DPEP3: variants seen among roughly 807,000 people sequenced by gnomAD.
DPEP3 encodes dipeptidase 3, also known as membrane-bound dipeptidase 3.
In DPEP3, 42 loss-of-function variants were observed where a neutral mutation model predicts 47.5. That is an observed-to-expected ratio of 0.88 (90% CI 0.69 to 1.14). The LOEUF (loss-of-function observed/expected upper bound fraction) is 1.14. Ranked by LOEUF, DPEP3 falls within the 50% of genes most tolerant of loss-of-function variation. The pLI, the probability that DPEP3 is intolerant of heterozygous loss-of-function variation, is 0.00. For synonymous variants in DPEP3, 276 were observed against 270.2 expected (o/e 1.02, Z -0.21); for missense variants, 560 against 635.0 (o/e 0.88, Z 1.27).
intron 1 of DPEP3, 145 bp from the exon 2 acceptor site, chr16:67,979,910 G>A (rs1331741783): frequency 7.1e-7 from 1 of 1,417,972 alleles, no homozygotes; most frequent in Non-Finnish European, 9.5e-7. Context: ...GGAGGGAGGG[G>A]GTTAGATTCC....
intron 7 of DPEP3, 73 bp downstream of exon 7, chr16:67,977,197 T>G (rs2031214252): frequency 7.2e-7 from 1 of 1,395,154 alleles, no homozygotes; most frequent in East Asian, 2.4e-5. Context: ...TGCACTAGAC[T>G]GCTAGAGTCG....
In DPEP3 at chr16:67,976,200, T is replaced by A; in HGVS notation, c.1123A>T (p.Thr375Ser). 6 of 1,614,202 alleles carry A rather than the reference T, an allele frequency of 3.7e-6. No homozygotes were observed. Among genetic ancestry groups the A allele is most frequent in the Non-Finnish European group, 5.1e-6 (6 of 1,180,024 alleles). Residue 375 changes from threonine (T) to serine (S), a missense_variant, in exon 9 of 10, where the codon ACA (threonine) becomes TCA (serine). Coordinates refer to ENST00000268793, the MANE Select transcript of DPEP3 (RefSeq NM_001370198.1). Reference protein sequence around the residue: ...RFPQGLEDVSTYPVLIEELLS... With the variant: ...RFPQGLEDVSSYPVLIEELLS... ...AACTCCTCTATCAGGACTGGGTATG[T>A]GGACACATCCTCCAGCCCCTGAGGG... is the stretch of plus-strand genomic sequence containing the variant.
chr16:67,978,563 G>A lies in DPEP3; in HGVS notation c.478C>T (p.Gln160Ter). 6.2e-7 allele frequency: 1 copy of A among 1,614,044 alleles called. No homozygotes were observed. Among genetic ancestry groups the A allele is most frequent in the South Asian group, 1.1e-5 (1 of 91,086 alleles). Residue 160 changes from glutamine to a stop codon, truncating the protein, a stop_gained, in exon 3 of 10, where the codon CAG (glutamine) becomes TAG (stop). Coordinates refer to ENST00000268793, the MANE Select transcript of DPEP3 (RefSeq NM_001370198.1). LOFTEE classifies it high-confidence loss of function. This position sits in a 1 kb window ranked among gnomAD's most constrained non-coding sequence, Gnocchi z 4.4. ...CACATGCGGTGAATGAGGTCAATCT[G>A]CTCCAGGGCGAGGCGCACGGCAGTC... ...DQTAVRLALE[Q>*]IDLIHRMCAS...
Position 67,980,446 on chromosome 16 carries a change from T to A in DPEP3, c.-66A>T. On this transcript the variant is annotated 5_prime_UTR_variant, in exon 1 of 10. Coordinates refer to ENST00000268793, the MANE Select transcript of DPEP3 (RefSeq NM_001370198.1). ...CGATGGGCAGAGGCCGACAATGGGG[T>A]CCGGATCATGACGACCCAGCCTCCC... 3.4e-6 allele frequency: 5 copies of A among 1,457,802 alleles called. No homozygotes were observed. In the South Asian group the frequency reaches 7.2e-5, roughly 21 times the overall value. The allele number at this position is 1,457,802 out of a possible 1,614,324, so 90.3% of individuals were successfully genotyped here.
chr16:67,978,085 A>T lies in DPEP3; in HGVS notation c.687-78T>A. 3.1e-6 allele frequency: 5 copies of T among 1,588,900 alleles called. No homozygotes were observed. The highest frequency in any genetic ancestry group is 4.3e-6 in the Non-Finnish European group (5 of 1,158,700). Reference sequence around the variant, plus strand: ...CAGCCTGGGGGCCCTGGCTCTATCCATCCATCCTGCTTCCAGAACAGGTGC... The same window carrying T: ...CAGCCTGGGGGCCCTGGCTCTATCCTTCCATCCTGCTTCCAGAACAGGTGC... On this transcript the variant is annotated intron_variant, in intron 4 of 9. Coordinates refer to ENST00000268793, the MANE Select transcript of DPEP3 (RefSeq NM_001370198.1). This position sits in a 1 kb window ranked among gnomAD's most constrained non-coding sequence, Gnocchi z 4.4.
At chr16:67,979,864 C>T in intron 1 of DPEP3, 99 bp from the exon 2 acceptor site, 1 of 1,526,952 alleles carries the variant, frequency 6.5e-7, no homozygotes, top group South Asian at 1.3e-5. Flanking sequence ...GGCACCTCCT[C>T]ACACAGACCA....
chr16:67,977,553 G>T, intron 6 of DPEP3, 100 bp downstream of exon 6: 1 of 1,414,318 alleles, frequency 7.1e-7, no homozygotes, highest in Non-Finnish European at 9.6e-7. Flanking sequence ...ACCAGCCTTT[G>T]GTCCAAGGGT....
chr16:67,979,610 C>T (rs2031276776), intron 2 of DPEP3, 29 bp downstream of exon 2: 13 of 1,611,554 alleles, frequency 8.1e-6, no homozygotes, highest in Non-Finnish European at 1.1e-5. Flanking sequence ...AGCAGCCATG[C>T]TGTGGCACCC....
Position 67,980,321 on chromosome 16 carries a change from C to G in DPEP3, c.60G>C (p.Leu20=). 1.3e-6 allele frequency: 2 copies of G among 1,557,136 alleles called. No individual in the cohort carries two copies. Among genetic ancestry groups the G allele is most frequent in the African/African-American group, 2.7e-5 (2 of 73,488 alleles). ...RALSRRYLRR[L]LLLLLLLLLR... ...GCAGCAGCAGCAGTAGCAGGAGCAG[C>G]AGACGCCGCAGATACCGCCGGCTGA... Residue 20 remains leucine, a synonymous_variant, in exon 1 of 10, where the codon CTG becomes CTC. Transcript: ENST00000268793.
At chr16:67,979,002 C>T (rs2031263228) in intron 2 of DPEP3, among the ~76,000 whole-genome samples, 1 of 152,102 alleles carries the variant, frequency 6.6e-6, no homozygotes, top group Non-Finnish European at 1.5e-5. Context: ...GGACTCACGA[C>T]ACATCATAAA....
At position 67,978,188 on chromosome 16, in the gene DPEP3, G is replaced by A. The variant is rs1361152897; in HGVS notation, c.686+79C>T. Reference sequence around the variant, plus strand: ...CTCTGCGGACCCCTTCATCCTCAACGGCTTGGTCACACCCATGCCAGGAAT... The same window carrying A: ...CTCTGCGGACCCCTTCATCCTCAACAGCTTGGTCACACCCATGCCAGGAAT... On this transcript the variant is annotated intron_variant, in intron 4 of 9. Coordinates refer to ENST00000268793, the MANE Select transcript of DPEP3 (RefSeq NM_001370198.1). The surrounding 1 kb of genome is among the most constrained non-coding windows in gnomAD (Gnocchi z 4.4). 4.4e-6 allele frequency: 7 copies of A among 1,606,226 alleles called. No individual in the cohort carries two copies. The highest frequency in any genetic ancestry group is 2.2e-5 in the South Asian group (2 of 90,622).
At position 67,978,309 on chromosome 16, in the gene DPEP3, C is replaced by G; in HGVS notation, c.644G>C (p.Gly215Ala). Residue 215 changes from glycine (G) to alanine (A), a missense_variant, in exon 4 of 10, where the codon GGG becomes GCG. Gly to Ala is a moderately conservative substitution (Grantham distance 60). Coordinates refer to ENST00000268793, the MANE Select transcript of DPEP3 (RefSeq NM_001370198.1). This position sits in a 1 kb window ranked among gnomAD's most constrained non-coding sequence, Gnocchi z 4.4. ...GAAGGTAAGTGTCAGGTAGCGCACC[C>G]CCAGCACATAGAAACTGCGCAGCAC... The part of the protein sequence containing the change: ...LSVLRSFYVL[G>A]VRYLTLTFTC... 6.2e-7 allele frequency: 1 copy of G among 1,614,194 alleles called. No individual in the cohort carries two copies. Among genetic ancestry groups the G allele is most frequent in the Non-Finnish European group, 8.5e-7 (1 of 1,180,038 alleles).
chr16:67,979,689 G>A lies in DPEP3; in HGVS notation c.364C>T (p.His122Tyr), dbSNP rs200788983. The A allele has an allele frequency of 4.3e-5, 69 of 1,614,014 alleles. No individual in the cohort carries two copies. The highest frequency in any genetic ancestry group is 5.8e-5 in the Non-Finnish European group (68 of 1,180,026). Residue 122 changes from histidine (H) to tyrosine (Y), a missense_variant, in exon 2 of 10, where the codon CAT becomes TAT. Coordinates refer to ENST00000268793, the MANE Select transcript of DPEP3 (RefSeq NM_001370198.1). ...LQDVNLRNFS[H>Y]GQTSLDRLRD... Reference sequence around the variant, plus strand: ...AGCCTGTCCAGGCTGGTCTGACCATGGCTGAAATTTCGCAGGTTAACATCC... The same window carrying A: ...AGCCTGTCCAGGCTGGTCTGACCATAGCTGAAATTTCGCAGGTTAACATCC...
In DPEP3 at chr16:67,980,348, C is replaced by A. The variant is rs535224443; in HGVS notation, c.33G>T (p.Ala11=). Residue 11 remains alanine, a synonymous_variant, in exon 1 of 10, where the codon GCG becomes GCT. Coordinates refer to ENST00000268793, the MANE Select transcript of DPEP3 (RefSeq NM_001370198.1). The part of the protein sequence containing the change: MQPTGREGSR[A]LSRRYLRRLL... ...GACGCCGCAGATACCGCCGGCTGAG[C>A]GCGCGGGAACCCTCGCGGCCCGTGG... The A allele has an allele frequency of 1.3e-6, 2 of 1,547,668 alleles. No individual in the cohort carries two copies. Among genetic ancestry groups the A allele is most frequent in the African/African-American group, 1.4e-5 (1 of 72,962 alleles).
rs1429059964 is a variant in DPEP3, at chr16:67,977,322, CA to C, written c.965del (p.Leu322ArgfsTer58). 7 of 1,613,836 alleles carry C rather than the reference CA, an allele frequency of 4.3e-6. No individual in the cohort carries two copies. Among genetic ancestry groups the C allele is most frequent in the African/African-American group, 2.7e-5 (2 of 74,916 alleles). On this transcript the variant is annotated frameshift_variant, in exon 7 of 10. Transcript: ENST00000268793. LOFTEE classifies it high-confidence loss of function. ...GGTTGCACTGCAGCACCCCCATGGA[CA>C]GTGTCACCATCACGATGCCACCGTT... ...KKNGGIVMVT[L>X]SMGVLQCNLL...
intron 5 of DPEP3, 29 bp downstream of exon 5, chr16:67,977,909 G>C: frequency 5.0e-6 from 8 of 1,613,968 alleles, no homozygotes; most frequent in Non-Finnish European, 6.8e-6. Context: ...GGCAGCAGGT[G>C]GGTTGGGGTA....
In DPEP3 at chr16:67,980,311, G is replaced by C. The variant is rs1197652952; in HGVS notation, c.70C>G (p.Leu24Val). 1.3e-6 allele frequency: 2 copies of C among 1,561,996 alleles called. No homozygotes were observed. Among genetic ancestry groups the C allele is most frequent in the African/African-American group, 2.7e-5 (2 of 73,570 alleles). ...GGCTGCCGCAGCAGCAGCAGCAGTAGCAGGAGCAGCAGACGCCGCAGATAC... is the reference window on the plus strand; with the variant it reads ...GGCTGCCGCAGCAGCAGCAGCAGTACCAGGAGCAGCAGACGCCGCAGATAC... ...RRYLRRLLLL[L>V]LLLLLRQPVT... The change falls in exon 1 of 10, where the codon CTA becomes GTA. Residue 24 changes from leucine (L) to valine (V), a missense_variant. Transcript: ENST00000268793.
Position 67,978,365 on chromosome 16 carries a change from C to T in DPEP3, c.588G>A (p.Glu196=). 6.2e-7 allele frequency: 1 copy of T among 1,614,092 alleles called. No homozygotes were observed. Reference sequence around the variant, plus strand: ...GGCTGCTGTCCAGTGAGTGACCACCCTCCACGCCAATGAGGCAGGCCAGCT... The same window carrying T: ...GGCTGCTGTCCAGTGAGTGACCACCTTCCACGCCAATGAGGCAGGCCAGCT... ...SQKLACLIGV[E]GGHSLDSSLS... The change falls in exon 4 of 10, where the codon GAG becomes GAA. Residue 196 remains glutamate, a synonymous_variant. Transcript: ENST00000268793. This position sits in a 1 kb window ranked among gnomAD's most constrained non-coding sequence, Gnocchi z 4.4.
In DPEP3 at chr16:67,980,440, A is replaced by G. The variant is rs1430470771; in HGVS notation, c.-60T>C. On this transcript the variant is annotated 5_prime_UTR_variant, in exon 1 of 10. Transcript: ENST00000268793. ...AGCAGGCGATGGGCAGAGGCCGACA[A>G]TGGGGTCCGGATCATGACGACCCAG... 1.4e-6 allele frequency: 2 copies of G among 1,470,996 alleles called. No individual in the cohort carries two copies. Among genetic ancestry groups the G allele is most frequent in the East Asian group, 2.6e-5 (1 of 38,600 alleles). The allele number at this position is 1,470,996 out of a possible 1,614,324, so 91.1% of individuals were successfully genotyped here.
Sources: gnomAD v4.1 joint callset for allele counts (sites outside exome capture counted in the v4.1 genomes callset) on GRCh38, gnomAD v4.1.1 for gene constraint, Gnocchi (gnomAD v3.1) non-coding constraint, MANE v1.5 for transcripts, NCBI Gene and HGNC (gene_info 2026-07-23, HGNC 2026-07-21) for gene names.